The following MAPK8IP3 variants were observed in gnomAD, a reference collection of about 807,000 sequenced individuals.
MAPK8IP3 encodes mitogen-activated protein kinase 8 interacting protein 3.
MAPK8IP3 carries 49 observed loss-of-function variants against 157.8 expected under a neutral mutation model. The ratio of observed to expected loss-of-function variants is 0.31; its 90% CI spans 0.25 to 0.39. MAPK8IP3 has a LOEUF of 0.39. Among genes scored for constraint, MAPK8IP3 ranks in the 10% least tolerant of loss-of-function variants. MAPK8IP3 has a pLI of 1.00. For synonymous variants in MAPK8IP3, 897 were observed against 777.7 expected (o/e 1.15, Z -2.55); for missense variants, 1,478 against 1,889.4 (o/e 0.78, Z 4.04).
intron 2 of MAPK8IP3, among the ~76,000 whole-genome samples, chr16:1,727,088 G>A (rs991684915): frequency 1.3e-5 from 2 of 151,848 alleles, no homozygotes; most frequent in Non-Finnish European, 2.9e-5. Flanking sequence ...TGGCGTCTGA[G>A]TTGTGTGCCG....
At chr16:1,744,386 A>C in intron 5 of MAPK8IP3, 1 of 985,922 alleles carries the variant, frequency 1.0e-6, no homozygotes, top group Non-Finnish European at 1.2e-6. Flanking sequence ...TTCCACCTCT[A>C]AGTGTCCATC....
rs1010154338 is a variant in MAPK8IP3 at position 1,767,980 on chromosome 16, G to A, written c.3523+62G>A. ...GCCAGAGGTGTACGTGGGTTCACGG[G>A]GTGGCTCTGCAGGGCCACCTTGGAG... On this transcript the variant is annotated intron_variant, in intron 28 of 31. Transcript: ENST00000610761. 4.5e-5 allele frequency: 73 copies of A among 1,608,010 alleles called. No homozygotes were observed. The African/African-American group carries it at 9.4e-4, about 21-fold the overall frequency.
chr16:1,738,526 CTGTG>C (rs1282076825), intron 4 of MAPK8IP3, among the ~76,000 whole-genome samples: 4 of 104,074 alleles, frequency 3.8e-5, no homozygotes, highest in Middle Eastern at 7.7e-3. Flanking sequence ...ATGTGAGCAT[CTGTG>C]TGACTGTCCG....
At chr16:1,756,255 C>A (rs1378043683) in intron 8 of MAPK8IP3, among the ~76,000 whole-genome samples, 1 of 152,222 alleles carries the variant, frequency 6.6e-6, no homozygotes, top group Non-Finnish European at 1.5e-5. Context: ...GCAACCAGGC[C>A]AGGGGCGGTG....
At chr16:1,761,399 C>T (rs2041930625) in intron 13 of MAPK8IP3, 94 bp downstream of exon 13, 3 of 1,053,890 alleles carry the variant, frequency 2.8e-6, no homozygotes, top group African/African-American at 3.2e-5. Flanking sequence ...CACAGGGTGA[C>T]CACCATTCAC....
At position 1,729,246 on chromosome 16, in the gene MAPK8IP3, A is replaced by C. The variant is rs78885532; in HGVS notation, c.510+38A>C. On this transcript the variant is annotated intron_variant, in intron 3 of 31. Coordinates refer to ENST00000610761, the MANE Select transcript of MAPK8IP3 (RefSeq NM_001318852.2). ...AGGCAAGCGCGGAGACGAGGGTTGG[A>C]GACAGGGCCGCGGCCTGACGCCTGC... 439 of 1,608,706 alleles carry C rather than the reference A, an allele frequency of 2.7e-4. 8 individuals carry two copies. The East Asian group carries it at 9.7e-3, about 35-fold the overall frequency.
chr16:1,727,494 CGTCT>C (rs2038966657), intron 2 of MAPK8IP3, among the ~76,000 whole-genome samples: 1 of 151,394 alleles, frequency 6.6e-6, no homozygotes, highest in Non-Finnish European at 1.5e-5. Context: ...TCAGGTGCAG[CGTCT>C]GTAAGTTATG....
chr16:1,740,466 A>G (rs1471046986), intron 4 of MAPK8IP3, among the ~76,000 whole-genome samples: 1 of 150,916 alleles, frequency 6.6e-6, no homozygotes, highest in African/African-American at 2.4e-5. Context: ...TCACATGCTG[A>G]CCGTCCGTGT....
Position 1,747,079 on chromosome 16 carries a change from AC to A in MAPK8IP3, c.801del (p.Ser268AlafsTer64). The A allele has an allele frequency of 6.2e-7, 1 of 1,613,516 alleles. No homozygotes were observed. The highest frequency in any genetic ancestry group is 8.5e-7 in the Non-Finnish European group (1 of 1,179,654). ...ESGQSSAAAT[P>X]STTGTKSNTP... is the part of the protein sequence containing the mutation. ...CAGGCCAGTCCTCGGCGGCCGCCACACCCAGCACCACAGGCACCAAGTCCAA... is the reference window on the plus strand; with the variant it reads ...CAGGCCAGTCCTCGGCGGCCGCCACACCAGCACCACAGGCACCAAGTCCAA... On this transcript the variant is annotated frameshift_variant, in exon 6 of 32. Coordinates refer to ENST00000610761, the MANE Select transcript of MAPK8IP3 (RefSeq NM_001318852.2). LOFTEE classifies it high-confidence loss of function.
rs189337924 is a variant in MAPK8IP3, at chr16:1,762,752, G to C, written c.1727+21G>C. ...CAGTTGTAAGCTGGGGGCCCCTGGG[G>C]GATGTGGGCAGCAGCTGCAGGGGAA... On this transcript the variant is annotated intron_variant, in intron 15 of 31. Transcript: ENST00000610761. 93 of 1,585,270 alleles carry C rather than the reference G, an allele frequency of 5.9e-5. No homozygotes were observed. The African/African-American group carries it at 1.2e-3, about 20-fold the overall frequency.
chr16:1,735,946 G>C (rs1218714844), intron 4 of MAPK8IP3, among the ~76,000 whole-genome samples: 2 of 138,992 alleles, frequency 1.4e-5, no homozygotes, highest in Non-Finnish European at 3.1e-5. Flanking sequence ...CCGTCTGTGT[G>C]AGTGTGACCG....
intron 8 of MAPK8IP3, among the ~76,000 whole-genome samples, chr16:1,756,969 AGAG>A (rs2041637557): frequency 1.3e-5 from 2 of 152,152 alleles, no homozygotes; most frequent in African/African-American, 4.8e-5. Context: ...AGGAAACCTG[AGAG>A]GAGAATATTG....
chr16:1,745,823 A>C (rs2040928286), intron 5 of MAPK8IP3: 2 of 152,346 alleles, frequency 1.3e-5, no homozygotes, highest in African/African-American at 4.8e-5. Context: ...ATGAAGCAGA[A>C]ATGTGTCCTC....
At position 1,761,221 on chromosome 16, in the gene MAPK8IP3, C is replaced by G; in HGVS notation, c.1458-3C>G. 6.2e-7 allele frequency: 1 copy of G among 1,613,302 alleles called. No individual in the cohort carries two copies. The highest frequency in any genetic ancestry group is 8.5e-7 in the Non-Finnish European group (1 of 1,179,726). ...CCTCCCTGCCTCCTTCCCCTTCCCA[C>G]AGAGTGAAGTCCGAGGCCATCATCG... On this transcript the variant is annotated splice_polypyrimidine_tract_variant and splice_region_variant and intron_variant, in intron 12 of 31. Transcript: ENST00000610761.
At chr16:1,729,452 C>A in intron 3 of MAPK8IP3, 35 bp from the exon 4 acceptor site, 1 of 1,579,032 alleles carries the variant, frequency 6.3e-7, no homozygotes, top group South Asian at 1.1e-5. Context: ...CAGCCCCCCA[C>A]GGCAGCGCTA....
intron 13 of MAPK8IP3, 152 bp from the exon 14 acceptor site, chr16:1,762,199 C>T (rs1052244460): frequency 3.0e-5 from 31 of 1,031,246 alleles, no homozygotes; most frequent in African/African-American, 2.6e-4. Context: ...TTCCCCTCCC[C>T]GCTTGCCGAC....
Position 1,768,724 on chromosome 16 carries a change from C to T in MAPK8IP3, c.3914C>T (p.Thr1305Met), listed in dbSNP as rs199536275. Residue 1305 changes from threonine (T) to methionine (M), a missense_variant, in exon 32 of 32, where the codon ACG becomes ATG. Physicochemically the swap from Thr to Met is moderately conservative, Grantham distance 81. Coordinates refer to ENST00000610761, the MANE Select transcript of MAPK8IP3 (RefSeq NM_001318852.2). ...FRIGDGEDDETEEGAGDMSQV... is the reference protein window; with the variant it reads ...FRIGDGEDDEMEEGAGDMSQV... Reference sequence around the variant, plus strand: ...GCAGGAGACGGAGAGGACGACGAGACGGAGGAGGGCGCAGGGGACATGAGC... The same window carrying T: ...GCAGGAGACGGAGAGGACGACGAGATGGAGGAGGGCGCAGGGGACATGAGC... The T allele has an allele frequency of 8.1e-6, 13 of 1,612,662 alleles. No individual in the cohort carries two copies. Among genetic ancestry groups the T allele is most frequent in the East Asian group, 4.5e-5 (2 of 44,856 alleles).
At position 1,763,656 on chromosome 16, in the gene MAPK8IP3, G is replaced by GC; in HGVS notation, c.1899dup (p.Asp634ArgfsTer20). 1 of 1,563,946 alleles carries GC rather than the reference G, an allele frequency of 6.4e-7. No homozygotes were observed. The highest frequency in any genetic ancestry group is 8.7e-7 in the Non-Finnish European group (1 of 1,151,640). The stretch of plus-strand genomic sequence containing the variant: ...ACATCACCCATCATTCTTCCACTCA[G>GC]CGACTGCACGTCCTCCGCCCGTCGA... On this transcript the variant is annotated frameshift_variant and splice_region_variant. Transcript: ENST00000610761. LOFTEE classifies it high-confidence loss of function.
chr16:1,743,642 G>A lies in MAPK8IP3; in HGVS notation c.747+166G>A. ...GAGAAACCCAGCCAGGGTGTCAGGG[G>A]CTCAGGCTGCCCAGCAGGCCCTGTG... On this transcript the variant is annotated intron_variant, in intron 5 of 31. Transcript: ENST00000610761. The surrounding 1 kb of genome is among the most constrained non-coding windows in gnomAD (Gnocchi z 5.6). 6.9e-7 allele frequency: 1 copy of A among 1,440,956 alleles called. No homozygotes were observed. The highest frequency in any genetic ancestry group is 1.4e-5 in the South Asian group (1 of 69,158). The allele number at this position is 1,440,956 out of a possible 1,614,324, so 89.3% of individuals were successfully genotyped here.
Sources: allele counts gnomAD v4.1 joint callset (sites outside exome capture counted in the v4.1 genomes callset), GRCh38; gene constraint gnomAD v4.1.1; non-coding constraint Gnocchi (gnomAD v3.1); transcripts MANE v1.5; gene names NCBI Gene and HGNC (gene_info 2026-07-23, HGNC 2026-07-21).